The following DDR2 variants were observed in gnomAD, a reference collection of about 807,000 sequenced individuals.
DDR2 encodes the protein discoidin domain-containing receptor 2.
A neutral mutation model predicts 94.9 loss-of-function variants in DDR2; 27 were observed. The observed-to-expected ratio is 0.28, with a 90% CI of 0.21 to 0.39. The LOEUF (loss-of-function observed/expected upper bound fraction) is 0.39. Ranked by LOEUF, DDR2 falls within the 10% of genes least tolerant of loss-of-function variation. DDR2 has a pLI of 1.00. For missense variants in DDR2, 783 were observed against 1,076.0 expected, an observed-to-expected ratio of 0.73 and a Z score of 3.81; for synonymous variants, 382 against 377.2, an observed-to-expected ratio of 1.01 and a Z score of -0.15.
intron 10 of DDR2, 32 bp downstream of exon 10, chr1:162,766,095 T>G: frequency 6.2e-7 from 1 of 1,608,984 alleles, no homozygotes; most frequent in South Asian, 1.1e-5. Flanking sequence ...ACAAATTAAT[T>G]TGAAGGGACT....
At chr1:162,764,353 AT>A (rs1663888482) in intron 9 of DDR2, among the ~76,000 whole-genome samples, 1 of 150,854 alleles carries the variant, frequency 6.6e-6, no homozygotes, top group East Asian at 2.0e-4. Flanking sequence ...TGTTCATACC[AT>A]TAAATTTAAA....
chr1:162,783,348 A>C lies in DDR2; in HGVS notation c.*3102A>C, dbSNP rs1207870772. The C allele has an allele frequency of 6.6e-6, 1 of 152,198 alleles. No homozygotes were observed. The highest frequency in any genetic ancestry group is 2.4e-5 in the African/African-American group (1 of 41,432). The allele number at this position is 152,198 out of a possible 1,614,324, so 9.4% of individuals were successfully genotyped here. A position where few individuals can be genotyped will look rare whatever the true frequency, so the allele number is the denominator to read the frequency against. On this transcript the variant is annotated 3_prime_UTR_variant, in exon 18 of 18. Coordinates refer to ENST00000367921, the MANE Select transcript of DDR2 (RefSeq NM_006182.4). ...TTAATGTTGTGGAAAGATCACTTGCAAGTATATAAGACTGTATAAAGAAGA... is the reference window on the plus strand; with the variant it reads ...TTAATGTTGTGGAAAGATCACTTGCCAGTATATAAGACTGTATAAAGAAGA...
chr1:162,776,002 C>A, intron 15 of DDR2, 134 bp from the exon 16 acceptor site: 1 of 1,297,854 alleles, frequency 7.7e-7, no homozygotes, highest in Non-Finnish European at 1.1e-6. Context: ...TGGGGAAACG[C>A]AAGGGATTCA....
At position 162,749,086 on chromosome 1, in the gene DDR2, A is replaced by G. The variant is rs575952112; in HGVS notation, c.83-4009A>G. ...CTAAAATTGACACTCTAACATCACA[A>G]TTAAAAGAACTAGAGAAGCAAGAGC... On this transcript the variant is annotated intron_variant, in intron 3 of 17. Transcript: ENST00000367921. 9.2e-5 allele frequency among the ~76,000 whole-genome samples: 14 copies of G among 152,362 alleles called. No individual in the cohort carries two copies. In the Middle Eastern group the frequency reaches 0.01, roughly 111 times the overall value.
chr1:162,770,737 G>A lies in DDR2; in HGVS notation c.1504+225G>A. 5 of 646,656 alleles carry A rather than the reference G, an allele frequency of 7.7e-6. No individual in the cohort carries two copies. The Admixed American group carries it at 9.6e-5, about 12-fold the overall frequency. 40.1% of individuals were successfully genotyped at this position (646,656 alleles called of 1,614,324 possible). A position where few individuals can be genotyped will look rare whatever the true frequency, so the allele number is the denominator to read the frequency against. ...GATGTGTGGAGGGACCCACATACCA[G>A]AAAAGAAAGAAAAAAATAATAAAAC... On this transcript the variant is annotated intron_variant, in intron 12 of 17. Coordinates refer to ENST00000367921, the MANE Select transcript of DDR2 (RefSeq NM_006182.4).
intron 2 of DDR2, among the ~76,000 whole-genome samples, chr1:162,659,812 C>T (rs1347490746): frequency 6.6e-6 from 1 of 152,076 alleles, no homozygotes. Context: ...TCTAAGGTCT[C>T]AATTTCTTGT....
chr1:162,709,443 C>A (rs1212393348), intron 2 of DDR2, among the ~76,000 whole-genome samples: 1 of 152,210 alleles, frequency 6.6e-6, no homozygotes, highest in Non-Finnish European at 1.5e-5. Context: ...GCTGCTGCCC[C>A]TGGGGAGGTC....
chr1:162,699,578 T>C (rs1432446580), intron 2 of DDR2, among the ~76,000 whole-genome samples: 1 of 152,242 alleles, frequency 6.6e-6, no homozygotes, highest in African/African-American at 2.4e-5. Flanking sequence ...ATATGGTTTC[T>C]ACACACTGTC....
At chr1:162,754,145 G>A (rs1406894490) in intron 4 of DDR2, among the ~76,000 whole-genome samples, 1 of 152,108 alleles carries the variant, frequency 6.6e-6, no homozygotes. Context: ...CTCCCCATGT[G>A]TTTCTATGGC....
intron 2 of DDR2, among the ~76,000 whole-genome samples, chr1:162,656,840 T>TTTTTTTTTTTTTTTTTC: frequency 8.5e-6 from 1 of 118,168 alleles, no homozygotes; most frequent in Non-Finnish European, 1.8e-5. Context: ...GGAGTTTTTT[T>TTTTTTTTTTTTTTTTTC]TTTTTTTTTA....
At chr1:162,739,902 G>A (rs1350603686) in intron 3 of DDR2, among the ~76,000 whole-genome samples, 2 of 151,228 alleles carry the variant, frequency 1.3e-5, no homozygotes, top group Non-Finnish European at 2.9e-5. Flanking sequence ...TGAATACAGG[G>A]TATTGAAGGA....
chr1:162,674,797 C>G (rs1659047795), intron 2 of DDR2, among the ~76,000 whole-genome samples: 3 of 152,154 alleles, frequency 2.0e-5, no homozygotes. Flanking sequence ...AGTTTCCTCT[C>G]TAGGACCTCT....
chr1:162,753,244 A>G lies in DDR2; in HGVS notation c.185+47A>G, dbSNP rs770351872. On this transcript the variant is annotated intron_variant, in intron 4 of 17. Coordinates refer to ENST00000367921, the MANE Select transcript of DDR2 (RefSeq NM_006182.4). ...AAGCCCATGTTCTGGGGTTGGGCAG[A>G]TTTCCTGGGCACAGATTCCTGACCC... 24 of 1,562,996 alleles carry G rather than the reference A, an allele frequency of 1.5e-5. No homozygotes were observed. The Admixed American group carries it at 3.4e-4, about 22-fold the overall frequency.
chr1:162,655,063 G>A (rs185518943), intron 1 of DDR2, 148 bp from the exon 2 acceptor site: 3 of 152,150 alleles, frequency 2.0e-5, no homozygotes, highest in Admixed American at 2.0e-4. Context: ...ACATCCCTCC[G>A]AGATCCTCTG....
At position 162,773,707 on chromosome 1, in the gene DDR2, C is replaced by T. The variant is rs552713645; in HGVS notation, c.1856+111C>T. ...CTTTTGAGATGGGAAGGTCAGTGAG[C>T]TGCCTCCCATTTCCACTGTTATCCT... On this transcript the variant is annotated intron_variant, in intron 14 of 17. Coordinates refer to ENST00000367921, the MANE Select transcript of DDR2 (RefSeq NM_006182.4). 3.4e-5 allele frequency: 49 copies of T among 1,426,436 alleles called. No homozygotes were observed. The African/African-American group carries it at 5.7e-4, about 17-fold the overall frequency. The allele number at this position is 1,426,436 out of a possible 1,614,324, so 88.4% of individuals were successfully genotyped here.
At chr1:162,662,888 C>T (rs1040837508) in intron 2 of DDR2, among the ~76,000 whole-genome samples, 1 of 151,904 alleles carries the variant, frequency 6.6e-6, no homozygotes, top group African/African-American at 2.4e-5. Context: ...AATAACTGAA[C>T]GAGGGGGATC....
chr1:162,667,573 G>A (rs1052714697), intron 2 of DDR2, among the ~76,000 whole-genome samples: 8 of 152,168 alleles, frequency 5.3e-5, no homozygotes, highest in African/African-American at 1.7e-4. Context: ...GAAGCTCGAG[G>A]CCAAACACAT....
chr1:162,764,382 C>T (rs1193664320), intron 9 of DDR2, among the ~76,000 whole-genome samples: 1 of 97,276 alleles, frequency 1.0e-5, no homozygotes, highest in Non-Finnish European at 2.1e-5. Flanking sequence ...ATGAAAGATA[C>T]AGAATGCTTT....
Position 162,770,373 on chromosome 1 carries a change from C to T in DDR2, c.1365C>T (p.Asn455=). ...LSLPSDSSMF[N]NNRSSSPSEQ... ...TGCCAAGTGATTCTAGCATGTTCAA[C>T]AATAACCGCTCCTCATCACCTAGTG... The change falls in exon 12 of 18, where the codon AAC becomes AAT. Residue 455 remains asparagine, a synonymous_variant. Transcript: ENST00000367921. 1 of 1,614,112 alleles carries T rather than the reference C, an allele frequency of 6.2e-7. No homozygotes were observed. Among genetic ancestry groups the T allele is most frequent in the Non-Finnish European group, 8.5e-7 (1 of 1,180,024 alleles).
Sources: gnomAD v4.1 joint callset for allele counts (sites outside exome capture counted in the v4.1 genomes callset) on GRCh38, gnomAD v4.1.1 for gene constraint, MANE v1.5 for transcripts, NCBI Gene and HGNC (gene_info 2026-07-23, HGNC 2026-07-21) for gene names.